Variants in PTPRU observed in about 807,000 individuals in gnomAD.
PTPRU encodes the protein receptor-type tyrosine-protein phosphatase U.
In PTPRU, 69 loss-of-function variants were observed where a neutral mutation model predicts 166.3. The ratio of observed to expected loss-of-function variants is 0.41; its 90% CI spans 0.34 to 0.51. The LOEUF is 0.51. Among genes scored for constraint, PTPRU ranks in the 20% least tolerant of loss-of-function variants. The probability of loss-of-function intolerance (pLI) is 0.09; values close to 1 mark genes in which losing one functional copy is unlikely to be tolerated. For synonymous variants in PTPRU, 793 were observed against 814.0 expected, an observed-to-expected ratio of 0.97 and a Z score of 0.44; for missense variants, 1,657 against 2,013.7, an observed-to-expected ratio of 0.82 and a Z score of 3.39.
chr1:29,283,486 T>A (rs1686196698), intron 12 of PTPRU, among the ~76,000 whole-genome samples: 1 of 152,026 alleles, frequency 6.6e-6, no homozygotes, highest in Admixed American at 6.5e-5. Context: ...GCCTTCTATC[T>A]TAGATGCTTC....
chr1:29,313,831 G>A (rs1338765507), intron 22 of PTPRU, among the ~76,000 whole-genome samples: 1 of 152,076 alleles, frequency 6.6e-6, no homozygotes, highest in Non-Finnish European at 1.5e-5. Context: ...CTCCAGCCTG[G>A]GCAACAGAGC....
chr1:29,256,054 C>T (rs932680016), intron 2 of PTPRU, among the ~76,000 whole-genome samples: 1 of 152,204 alleles, frequency 6.6e-6, no homozygotes, highest in African/African-American at 2.4e-5. Flanking sequence ...ACCCTGTCTC[C>T]AGTCACTTTA....
chr1:29,282,760 G>T lies in PTPRU; in HGVS notation c.1953G>T (p.Leu651Phe). Residue 651 changes from leucine to phenylalanine, a missense_variant, in exon 12 of 30, where the codon TTG (leucine) becomes TTT (phenylalanine). Around this residue, in one of 3 missense-constraint regions of PTPRU, gnomAD observed 1,190 missense variants for 1,477.4 expected, o/e 0.81. Transcript: ENST00000373779. ...GACAGGACTGCTTCCCAGTGCCATT[G>T]ACCTTCGAGGCGGCGCTGGCCCGAG... ...PGGQDCFPVPLTFEAALARGL... is the reference protein window; with the variant it reads ...PGGQDCFPVPFTFEAALARGL... 1 of 1,614,082 alleles carries T rather than the reference G, an allele frequency of 6.2e-7. No individual in the cohort carries two copies. Among genetic ancestry groups the T allele is most frequent in the South Asian group, 1.1e-5 (1 of 91,076 alleles).
rs1168221071 is a variant in PTPRU, at chr1:29,311,779, G to T, written c.3072+20G>T. 1 of 1,604,466 alleles carries T rather than the reference G, an allele frequency of 6.2e-7. No individual in the cohort carries two copies. Among genetic ancestry groups the T allele is most frequent in the Non-Finnish European group, 8.5e-7 (1 of 1,172,570 alleles). Reference sequence around the variant, plus strand: ...GAGCGGGTGAGTCTCCCCACCGCCTGTTCCCTGCAGAGGGTGCCTGAGCAG... The same window carrying T: ...GAGCGGGTGAGTCTCCCCACCGCCTTTTCCCTGCAGAGGGTGCCTGAGCAG... On this transcript the variant is annotated intron_variant, in intron 21 of 29. Coordinates refer to ENST00000373779, the MANE Select transcript of PTPRU (RefSeq NM_133178.4). This position sits in a 1 kb window ranked among gnomAD's most constrained non-coding sequence, Gnocchi z 4.1.
chr1:29,311,792 G>A lies in PTPRU; in HGVS notation c.3072+33G>A. ...TCCCCACCGCCTGTTCCCTGCAGAG[G>A]GTGCCTGAGCAGGGATTAGAGCCCA... is the stretch of plus-strand genomic sequence containing the variant. On this transcript the variant is annotated intron_variant, in intron 21 of 29. Coordinates refer to ENST00000373779, the MANE Select transcript of PTPRU (RefSeq NM_133178.4). This position sits in a 1 kb window ranked among gnomAD's most constrained non-coding sequence, Gnocchi z 4.1. 1 of 1,596,226 alleles carries A rather than the reference G, an allele frequency of 6.3e-7. No homozygotes were observed. The highest frequency in any genetic ancestry group is 8.6e-7 in the Non-Finnish European group (1 of 1,166,456).
At chr1:29,276,687 T>C (rs1685822181) in intron 8 of PTPRU, among the ~76,000 whole-genome samples, 3 of 152,224 alleles carry the variant, frequency 2.0e-5, no homozygotes, top group Admixed American at 6.5e-5. Flanking sequence ...ATTTCTGATA[T>C]TGGTAATTTC....
At chr1:29,275,832 T>G in intron 8 of PTPRU, 76 bp downstream of exon 8, 2 of 1,485,098 alleles carry the variant, frequency 1.3e-6, no homozygotes, top group Non-Finnish European at 1.8e-6. Flanking sequence ...TGAAATTTAC[T>G]GAGGGTATTT....
chr1:29,315,711 G>T lies in PTPRU; in HGVS notation c.3363+204G>T, dbSNP rs1382476584. 6.6e-6 allele frequency among the ~76,000 whole-genome samples: 1 copy of T among 152,154 alleles called. No homozygotes were observed. Among genetic ancestry groups the T allele is most frequent in the Non-Finnish European group, 1.5e-5 (1 of 68,018 alleles). On this transcript the variant is annotated intron_variant, in intron 23 of 29. Transcript: ENST00000373779. The surrounding 1 kb of genome is among the most constrained non-coding windows in gnomAD (Gnocchi z 4.5). ...TTCTGTTGGGTGGGGTCAGACAACC[G>T]GTCCTGTAGCTGACATACCTGGGAT...
intron 15 of PTPRU, among the ~76,000 whole-genome samples, chr1:29,300,368 G>A (rs984930537): frequency 2.0e-5 from 3 of 152,168 alleles, no homozygotes; most frequent in Non-Finnish European, 2.9e-5. Context: ...CAAACATGCC[G>A]AAAGCCCCGA....
chr1:29,292,819 T>G (rs561649260), intron 15 of PTPRU, among the ~76,000 whole-genome samples: 9 of 151,018 alleles, frequency 6.0e-5, no homozygotes, highest in African/African-American at 1.9e-4. Context: ...TGTTGTGTTT[T>G]TTTTTTTTTT....
At position 29,309,366 on chromosome 1, in the gene PTPRU, G is replaced by A. The variant is rs370892797; in HGVS notation, c.2821-1378G>A. Among the ~76,000 whole-genome samples, 4 of 152,176 alleles carry A rather than the reference G, an allele frequency of 2.6e-5. No homozygotes were observed. In the East Asian group the frequency reaches 5.8e-4, roughly 22 times the overall value. On this transcript the variant is annotated intron_variant, in intron 18 of 29. Coordinates refer to ENST00000373779, the MANE Select transcript of PTPRU (RefSeq NM_133178.4). ...AAAGACTGAGAAGCACCTTCTCAGC[G>A]CTCAGAGTTACACAGCTACTGCTCG...
chr1:29,279,258 T>C lies in PTPRU; in HGVS notation c.1563+137T>C. The C allele has an allele frequency of 2.0e-6, 2 of 999,218 alleles. No individual in the cohort carries two copies. The highest frequency in any genetic ancestry group is 3.0e-6 in the Non-Finnish European group (2 of 668,074). The allele number at this position is 999,218 out of a possible 1,614,324, so 61.9% of individuals were successfully genotyped here. ...TAGTTTCTTCAACTATGGCCAGGTC[T>C]GTGCCCTGTGTATTCTAGAGGAGGG... is the stretch of plus-strand genomic sequence containing the variant. On this transcript the variant is annotated intron_variant, in intron 9 of 29. Coordinates refer to ENST00000373779, the MANE Select transcript of PTPRU (RefSeq NM_133178.4). The surrounding 1 kb of genome is among the most constrained non-coding windows in gnomAD (Gnocchi z 5.2).
chr1:29,275,894 A>G (rs544103678), intron 8 of PTPRU, 138 bp downstream of exon 8: 2 of 933,122 alleles, frequency 2.1e-6, no homozygotes, highest in South Asian at 1.8e-5. Context: ...CAAAGTAGTG[A>G]TAGCTCCTAT....
chr1:29,278,991 C>T (rs974535200), intron 8 of PTPRU, 21 bp from the exon 9 acceptor site: 4 of 1,554,118 alleles, frequency 2.6e-6, no homozygotes, highest in Non-Finnish European at 3.5e-6. Flanking sequence ...TCCCCTGGCC[C>T]CTGCTGCCTT....
In PTPRU at chr1:29,260,155, G is replaced by A. The variant is rs1574624129; in HGVS notation, c.850+111G>A. 2 of 1,177,002 alleles carry A rather than the reference G, an allele frequency of 1.7e-6. No homozygotes were observed. The highest frequency in any genetic ancestry group is 4.3e-5 in the South Asian group (2 of 46,222). 72.9% of individuals were successfully genotyped at this position (1,177,002 alleles called of 1,614,324 possible). A position where few individuals can be genotyped will look rare whatever the true frequency, so the allele number is the denominator to read the frequency against. ...GGCCGTGGGGGGTGGGGCCGGCAGG[G>A]TGTCGCTGGGGCGCTATCTGAAGAT... On this transcript the variant is annotated intron_variant, in intron 6 of 29. Coordinates refer to ENST00000373779, the MANE Select transcript of PTPRU (RefSeq NM_133178.4). This position sits in a 1 kb window ranked among gnomAD's most constrained non-coding sequence, Gnocchi z 8.3.
rs1354008377 is a variant in PTPRU, at chr1:29,257,478, T to A, written c.206-1027T>A. The stretch of plus-strand genomic sequence containing the variant: ...CCCGGGAGGAGGCAGCGCTGGGTGG[T>A]TTCGGGTGCCCTTTGGGAAGCCCAA... On this transcript the variant is annotated intron_variant, in intron 2 of 29. Transcript: ENST00000373779. The surrounding 1 kb of genome is among the most constrained non-coding windows in gnomAD (Gnocchi z 4.6). 6.6e-6 allele frequency among the ~76,000 whole-genome samples: 1 copy of A among 152,050 alleles called. No homozygotes were observed. Among genetic ancestry groups the A allele is most frequent in the Non-Finnish European group, 1.5e-5 (1 of 67,990 alleles).
rs755841875 is a variant in PTPRU at position 29,259,996 on chromosome 1, G to A, written c.802G>A (p.Ala268Thr). The A allele has an allele frequency of 6.6e-7, 1 of 1,504,708 alleles. No homozygotes were observed. The highest frequency in any genetic ancestry group is 1.3e-5 in the South Asian group (1 of 79,074). The allele number at this position is 1,504,708 out of a possible 1,614,324, so 93.2% of individuals were successfully genotyped here. A position where few individuals can be genotyped will look rare whatever the true frequency, so the allele number is the denominator to read the frequency against. ...GGACCTGTACCGCTGTGTGTCCCAG[G>A]CCCCGCGCGGCGCGGGCGTCTCTAA... is the stretch of plus-strand genomic sequence containing the variant. ...EQDLYRCVSQ[A>T]PRGAGVSNFA... Residue 268 changes from alanine (A) to threonine (T), a missense_variant, in exon 6 of 30, where the codon GCC becomes ACC. Ala to Thr is a moderately conservative substitution (Grantham distance 58). This residue lies in a region of PTPRU where 453 missense variants were observed against 496.9 expected (regional missense o/e 0.91). Transcript: ENST00000373779.
chr1:29,259,444 C>G lies in PTPRU; in HGVS notation c.560-5C>G. Reference sequence around the variant, plus strand: ...CCAGCTCACGATGCAGCTCTAACCCCGCAGCAAAGGCCCCACACTTCTCCC... The same window carrying G: ...CCAGCTCACGATGCAGCTCTAACCCGGCAGCAAAGGCCCCACACTTCTCCC... On this transcript the variant is annotated splice_polypyrimidine_tract_variant and splice_region_variant and intron_variant, in intron 4 of 29. Coordinates refer to ENST00000373779, the MANE Select transcript of PTPRU (RefSeq NM_133178.4). 1 of 1,610,030 alleles carries G rather than the reference C, an allele frequency of 6.2e-7. No homozygotes were observed. The highest frequency in any genetic ancestry group is 1.1e-5 in the South Asian group (1 of 90,800).
intron 24 of PTPRU, among the ~76,000 whole-genome samples, chr1:29,316,456 C>T (rs1687905123): frequency 6.6e-6 from 1 of 152,130 alleles, no homozygotes; most frequent in Non-Finnish European, 1.5e-5. Context: ...AGTTTTGTTA[C>T]CCAGAGAAGA....
Sources: gnomAD v4.1 joint callset for allele counts (sites outside exome capture counted in the v4.1 genomes callset) on GRCh38, gnomAD v4.1.1 for gene constraint, gnomAD v4.1.1 regional missense constraint, Gnocchi (gnomAD v3.1) non-coding constraint, MANE v1.5 for transcripts, NCBI Gene and HGNC (gene_info 2026-07-23, HGNC 2026-07-21) for gene names.